The following BTBD9 variants were observed in gnomAD, a reference collection of about 807,000 sequenced individuals.
BTBD9 encodes the protein BTB/POZ domain-containing protein 9.
A neutral mutation model predicts 64.3 loss-of-function variants in BTBD9; 49 were observed. The observed-to-expected ratio is 0.76, with a 90% CI of 0.61 to 0.97. BTBD9 has a LOEUF of 0.97. Among genes scored for constraint, BTBD9 ranks in the 50% least tolerant of loss-of-function variants. The pLI is 0.00. For synonymous variants in BTBD9, 260 were observed against 274.7 expected (o/e 0.95, Z 0.53); for missense variants, 598 against 762.1 (o/e 0.78, Z 2.53).
At chr6:38,387,006 A>G (rs1766202588) in intron 6 of BTBD9, among the ~76,000 whole-genome samples, 1 of 152,022 alleles carries the variant, frequency 6.6e-6, no homozygotes, top group South Asian at 2.1e-4. Flanking sequence ...CCAATTCCCC[A>G]TTTGGCCAAA....
At chr6:38,553,305 G>A (rs1310877375) in intron 6 of BTBD9, among the ~76,000 whole-genome samples, 1 of 152,150 alleles carries the variant, frequency 6.6e-6, no homozygotes, top group African/African-American at 2.4e-5. Context: ...GGGTCAATCT[G>A]AAAGTCAAAT....
chr6:38,597,796 TGA>T, intron 2 of BTBD9, 112 bp downstream of exon 2: 1 of 848,664 alleles, frequency 1.2e-6, no homozygotes, highest in Non-Finnish European at 1.8e-6. Flanking sequence ...GATATTGAAT[TGA>T]GAGACTGCAA....
chr6:38,596,008 G>C, intron 2 of BTBD9: 1 of 985,424 alleles, frequency 1.0e-6, no homozygotes, highest in Non-Finnish European at 1.2e-6. Context: ...CTTCAACAAG[G>C]AGACAAGCAC....
Position 38,288,317 on chromosome 6 carries a change from G to A in BTBD9, c.1409C>T (p.Ala470Val), listed in dbSNP as rs1761824936. ...GYTCHQLGSG[A>V]IVVQLAQPYM... ...CGGTTGTGCCAACTGAACCACAATCGCACCACTTCCTAGCTGGTGACATGT... is the reference window on the plus strand; with the variant it reads ...CGGTTGTGCCAACTGAACCACAATCACACCACTTCCTAGCTGGTGACATGT... Residue 470 changes from alanine (A) to valine (V), a missense_variant, in exon 8 of 11, where the codon GCG becomes GTG. By Grantham distance (64) the Ala-to-Val change is moderately conservative. Transcript: ENST00000481247. 10 of 1,613,866 alleles carry A rather than the reference G, an allele frequency of 6.2e-6. No individual in the cohort carries two copies. Among genetic ancestry groups the A allele is most frequent in the South Asian group, 2.2e-5 (2 of 91,058 alleles).
At chr6:38,630,289 TTG>T (rs1778319632) in intron 1 of BTBD9, among the ~76,000 whole-genome samples, 2 of 152,176 alleles carry the variant, frequency 1.3e-5, no homozygotes, top group Admixed American at 6.5e-5. Context: ...CACTTTGTTC[TTG>T]TGTGTTGGAT....
intron 7 of BTBD9, among the ~76,000 whole-genome samples, chr6:38,316,457 T>C (rs1487120527): frequency 6.6e-6 from 1 of 152,192 alleles, no homozygotes; most frequent in East Asian, 1.9e-4. Flanking sequence ...TTTTTGTATC[T>C]ATTGTATGTT....
At chr6:38,189,990 T>A (rs1761986945) in intron 10 of BTBD9, among the ~76,000 whole-genome samples, 1 of 150,746 alleles carries the variant, frequency 6.6e-6, no homozygotes, top group Non-Finnish European at 1.5e-5. Flanking sequence ...TTTTTTTTTT[T>A]AAGTAGAGAC....
At chr6:38,455,961 G>A (rs1229349555) in intron 6 of BTBD9, among the ~76,000 whole-genome samples, 5 of 151,786 alleles carry the variant, frequency 3.3e-5, no homozygotes, top group African/African-American at 1.2e-4. Flanking sequence ...ACAGGCATGA[G>A]CCACTGCACC....
intron 1 of BTBD9, among the ~76,000 whole-genome samples, chr6:38,598,923 A>AAAT (rs976453124): frequency 1.1e-4 from 17 of 152,128 alleles, no homozygotes; most frequent in East Asian, 1.9e-4. Flanking sequence ...TTCTCAAAAA[A>AAAT]AATAATAATA....
Position 38,174,985 on chromosome 6 carries a change from T to C in BTBD9, c.1839A>G (p.Ter613=). Reference sequence around the variant, plus strand: ...AGTCACACCAGGCCCGCTGCCTCCTTTATTGGTGCTGCCGGTTGGGGGAGC... The same window carrying C: ...AGTCACACCAGGCCCGCTGCCTCCTCTATTGGTGCTGCCGGTTGGGGGAGC... ...NSRSPNRQHQ[*] Residue 613 remains the stop codon, a stop_retained_variant, in exon 11 of 11, where the codon TAA becomes TAG. Transcript: ENST00000481247. 1 of 1,613,706 alleles carries C rather than the reference T, an allele frequency of 6.2e-7. No individual in the cohort carries two copies. Among genetic ancestry groups the C allele is most frequent in the Non-Finnish European group, 8.5e-7 (1 of 1,179,994 alleles).
chr6:38,248,814 A>G lies in BTBD9; in HGVS notation c.1562+7595T>C, dbSNP rs9470837. 6.4e-3 allele frequency among the ~76,000 whole-genome samples: 979 copies of G among 152,378 alleles called. 6 individuals are homozygous for G. The highest frequency in any genetic ancestry group is 0.021 in the African/African-American group (872 of 41,594). On this transcript the variant is annotated intron_variant, in intron 9 of 10. Coordinates refer to ENST00000481247, the MANE Select transcript of BTBD9 (RefSeq NM_001099272.2). Reference sequence around the variant, plus strand: ...AAAAAGGTTGCAAATTGGAGAGGACATTAGTAAATGAAAAATCTTGGTGAA... The same window carrying G: ...AAAAAGGTTGCAAATTGGAGAGGACGTTAGTAAATGAAAAATCTTGGTGAA...
chr6:38,227,364 T>G (rs1314525047), intron 9 of BTBD9, among the ~76,000 whole-genome samples: 1 of 152,234 alleles, frequency 6.6e-6, no homozygotes, highest in African/African-American at 2.4e-5. Context: ...TGCTGGTTTT[T>G]AATTCCTTGG....
intron 9 of BTBD9, among the ~76,000 whole-genome samples, chr6:38,233,013 G>A (rs1274728257): frequency 6.6e-6 from 1 of 152,196 alleles, no homozygotes; most frequent in Non-Finnish European, 1.5e-5. Context: ...GGATGGTCAT[G>A]CTTCCTTGGT....
chr6:38,229,609 G>C (rs1293389476), intron 9 of BTBD9, among the ~76,000 whole-genome samples: 1 of 152,194 alleles, frequency 6.6e-6, no homozygotes, highest in African/African-American at 2.4e-5. Context: ...TGTAGACTAA[G>C]ACTGCTCAAG....
At chr6:38,349,879 T>C (rs935563733) in intron 6 of BTBD9, among the ~76,000 whole-genome samples, 4 of 152,214 alleles carry the variant, frequency 2.6e-5, no homozygotes, top group African/African-American at 7.2e-5. Context: ...GTAGATTTCC[T>C]AGCTCTGTGG....
chr6:38,202,092 T>TG (rs1257900015), intron 9 of BTBD9, among the ~76,000 whole-genome samples: 66 of 148,840 alleles, frequency 4.4e-4, no homozygotes, highest in Non-Finnish European at 4.9e-4. Context: ...TTTGTTTTTT[T>TG]TTTTTTTTTT....
At chr6:38,586,971 G>C (rs533422467) in intron 4 of BTBD9, among the ~76,000 whole-genome samples, 259 of 151,906 alleles carry the variant, frequency 1.7e-3, no homozygotes, top group African/African-American at 6.0e-3. Flanking sequence ...GCTGGGGCAG[G>C]AGAATCACTT....
At chr6:38,415,269 G>A (rs186177502) in intron 6 of BTBD9, among the ~76,000 whole-genome samples, 48 of 152,200 alleles carry the variant, frequency 3.2e-4, no homozygotes, top group Middle Eastern at 3.4e-3. Context: ...TTTAAAATGG[G>A]GAGATTATTT....
chr6:38,323,164 T>TG (rs1267319624), intron 7 of BTBD9, among the ~76,000 whole-genome samples: 2 of 152,230 alleles, frequency 1.3e-5, no homozygotes, highest in Non-Finnish European at 2.9e-5. Context: ...AATAACATTA[T>TG]GTATCTACTC....
Sources: gnomAD v4.1 joint callset for allele counts (sites outside exome capture counted in the v4.1 genomes callset) on GRCh38, gnomAD v4.1.1 for gene constraint, MANE v1.5 for transcripts, NCBI Gene and HGNC (gene_info 2026-07-23, HGNC 2026-07-21) for gene names.